The following RUVBL2 variants were observed in gnomAD, a reference collection of about 807,000 sequenced individuals.
The protein encoded by RUVBL2 is RuvB like AAA ATPase 2, also known as ruvB-like 2.
Under a neutral mutation model 57.9 loss-of-function variants are expected in RUVBL2, and 9 were observed. That is an observed-to-expected ratio of 0.16 (90% confidence interval 0.09 to 0.27). The LOEUF is 0.27. Among genes scored for constraint, RUVBL2 ranks in the 10% least tolerant of loss-of-function variants. The pLI is 1.00. For synonymous variants in RUVBL2, 278 were observed against 264.6 expected (o/e 1.05, Z -0.49); for missense variants, 456 against 669.6 (o/e 0.68, Z 3.52).
chr19:49,000,535 CAA>C (rs1464959395), intron 2 of RUVBL2, among the ~76,000 whole-genome samples: 3 of 151,724 alleles, frequency 2.0e-5, no homozygotes, highest in African/African-American at 4.8e-5. Flanking sequence ...GCCTGGGTGA[CAA>C]GAGTGAAACT....
intron 6 of RUVBL2, among the ~76,000 whole-genome samples, chr19:49,007,980 T>G (rs1165737869): frequency 1.3e-5 from 2 of 151,060 alleles, no homozygotes; most frequent in African/African-American, 4.9e-5. Context: ...GTGCTGGGAT[T>G]ACAGCCGTGA....
Position 49,007,322 on chromosome 19 carries a change from A to C in RUVBL2, c.416A>C (p.Glu139Ala). The change falls in exon 6 of 15, where the codon GAA becomes GCA. Residue 139 changes from glutamate to alanine, a missense_variant. Transcript: ENST00000595090. ...VRIKEETEII[E>A]GEVVEIQIDR... ...GCTAGGGAGGAGACGGAGATCATCG[A>C]AGGGGAGGTGGTGGAGATCCAGATT... 6.2e-7 allele frequency: 1 copy of C among 1,614,018 alleles called. No homozygotes were observed. The highest frequency in any genetic ancestry group is 8.5e-7 in the Non-Finnish European group (1 of 1,179,970).
At chr19:49,012,726 G>C (rs1446242381) in intron 11 of RUVBL2, among the ~76,000 whole-genome samples, 2 of 152,202 alleles carry the variant, frequency 1.3e-5, no homozygotes, top group African/African-American at 2.4e-5. Context: ...AAGTGTCCTT[G>C]TTGTATTCTA....
intron 1 of RUVBL2, among the ~76,000 whole-genome samples, chr19:48,995,109 A>G (rs1456063185): frequency 6.6e-6 from 1 of 151,950 alleles, no homozygotes; most frequent in African/African-American, 2.4e-5. Context: ...AGGGAAGTAG[A>G]AGAGGAAGGC....
intron 12 of RUVBL2, 40 bp from the exon 13 acceptor site, chr19:49,014,981 G>A (rs776528906): frequency 8.9e-6 from 14 of 1,566,958 alleles, no homozygotes; most frequent in Middle Eastern, 3.6e-4. Flanking sequence ...GTCAGAGGCT[G>A]GGCCCCGGCT....
rs1296799643 is a variant in RUVBL2, at chr19:49,015,106, A to T, written c.1207A>T (p.Ile403Phe). ...IGLETSLRYAIQLITAASLVC... is the reference protein window; with the variant it reads ...IGLETSLRYAFQLITAASLVC... The stretch of plus-strand genomic sequence containing the variant: ...GCTGGAGACGTCACTGCGCTACGCC[A>T]TCCAGCTCATCACAGCTGCCAGCTT... The change falls in exon 13 of 15, where the codon ATC (isoleucine) becomes TTC (phenylalanine). Residue 403 changes from isoleucine (I) to phenylalanine (F), a missense_variant. Around this residue, in one of 5 missense-constraint regions of RUVBL2, gnomAD observed 130 missense variants for 243.0 expected, o/e 0.53. Coordinates refer to ENST00000595090, the MANE Select transcript of RUVBL2 (RefSeq NM_006666.3). The T allele has an allele frequency of 1.2e-6, 2 of 1,610,118 alleles. No individual in the cohort carries two copies.
In RUVBL2 at chr19:48,997,421, C is replaced by A. The variant is rs138992745; in HGVS notation, c.13-1898C>A. ...GGTGGATCACCTGAGGTCAGGAGTTCAAGACCAGCCTGGCCAACATGGTGA... is the reference window on the plus strand; with the variant it reads ...GGTGGATCACCTGAGGTCAGGAGTTAAAGACCAGCCTGGCCAACATGGTGA... On this transcript the variant is annotated intron_variant, in intron 1 of 14. Transcript: ENST00000595090. 1.8e-3 allele frequency among the ~76,000 whole-genome samples: 268 copies of A among 152,158 alleles called. 1 individual carries two copies. Among genetic ancestry groups the A allele is most frequent in the African/African-American group, 6.1e-3 (253 of 41,500 alleles).
Position 49,015,891 on chromosome 19 carries a change from C to T in RUVBL2, c.*49C>T, listed in dbSNP as rs944338805. Reference sequence around the variant, plus strand: ...ACCCTGTTTTCCACCAGAGTTCTGACACTGTGACTCTGTATAAAATGGTTG... The same window carrying T: ...ACCCTGTTTTCCACCAGAGTTCTGATACTGTGACTCTGTATAAAATGGTTG... On this transcript the variant is annotated 3_prime_UTR_variant, in exon 15 of 15. Coordinates refer to ENST00000595090, the MANE Select transcript of RUVBL2 (RefSeq NM_006666.3). The T allele has an allele frequency of 1.9e-6, 3 of 1,613,882 alleles. No homozygotes were observed. The highest frequency in any genetic ancestry group is 1.1e-5 in the South Asian group (1 of 91,088).
chr19:49,010,623 C>T lies in RUVBL2; in HGVS notation c.787+12C>T. The T allele has an allele frequency of 6.2e-7, 1 of 1,607,718 alleles. No homozygotes were observed. Among genetic ancestry groups the T allele is most frequent in the South Asian group, 1.1e-5 (1 of 90,858 alleles). On this transcript the variant is annotated intron_variant, in intron 9 of 14. Transcript: ENST00000595090. ...GGCGCTCTTCTCAGGTGAGGCCCCT[C>T]CTGCCCTGCCCTGCCCTGCCCTGCC...
chr19:48,993,475 A>G, upstream of RUVBL2: 2 of 423,504 alleles, frequency 4.7e-6, no homozygotes, highest in East Asian at 5.0e-5. Flanking sequence ...CGGCCGTGAG[A>G]CCTCCAGGGG....
chr19:49,008,707 G>T (rs969551127), intron 6 of RUVBL2, among the ~76,000 whole-genome samples: 10 of 151,790 alleles, frequency 6.6e-5, no homozygotes, highest in Admixed American at 4.6e-4. Flanking sequence ...GCTGGGCGCG[G>T]TGGTTCATGC....
At chr19:49,014,923 T>A in intron 12 of RUVBL2, 98 bp from the exon 13 acceptor site, 1 of 1,451,014 alleles carries the variant, frequency 6.9e-7, no homozygotes, top group Non-Finnish European at 9.3e-7. Flanking sequence ...GCGCCACATA[T>A]TCCCAGTGGG....
intron 6 of RUVBL2, among the ~76,000 whole-genome samples, chr19:49,009,435 C>T (rs1009713136): frequency 2.2e-4 from 33 of 149,796 alleles, no homozygotes; most frequent in South Asian, 4.2e-4. Context: ...TGCAGTGAGC[C>T]GAGATCATGC....
At chr19:48,995,211 C>T (rs1331538011) in intron 1 of RUVBL2, among the ~76,000 whole-genome samples, 2 of 151,734 alleles carry the variant, frequency 1.3e-5, no homozygotes, top group Admixed American at 6.6e-5. Context: ...ATGGGAACAG[C>T]GGGCAGCAAG....
At chr19:49,002,392 G>C (rs549002147) in intron 2 of RUVBL2, among the ~76,000 whole-genome samples, 14 of 152,032 alleles carry the variant, frequency 9.2e-5, no homozygotes, top group African/African-American at 3.4e-4. Flanking sequence ...TGGCCTCCAG[G>C]CTGAGGTTTG....
chr19:49,011,227 C>G lies in RUVBL2; in HGVS notation c.918C>G (p.Ile306Met), dbSNP rs368070643. Reference sequence around the variant, plus strand: ...TCGACGAGGTCCACATGCTGGACATCGAGAGCTTCTCCTTCCTCAACCGGG... The same window carrying G: ...TCGACGAGGTCCACATGCTGGACATGGAGAGCTTCTCCTTCCTCAACCGGG... ...LFIDEVHMLD[I>M]ESFSFLNRAL... is the part of the protein sequence containing the mutation. Residue 306 changes from isoleucine to methionine, a missense_variant, in exon 11 of 15, where the codon ATC becomes ATG. By Grantham distance (10) the Ile-to-Met change is conservative (BLOSUM62 1). Coordinates refer to ENST00000595090, the MANE Select transcript of RUVBL2 (RefSeq NM_006666.3). The surrounding 1 kb of genome is among the most constrained non-coding windows in gnomAD (Gnocchi z 4.4). The G allele has an allele frequency of 6.8e-6, 11 of 1,613,844 alleles. No individual in the cohort carries two copies. The highest frequency in any genetic ancestry group is 1.1e-5 in the South Asian group (1 of 91,084).
At position 49,010,084 on chromosome 19, in the gene RUVBL2, G is replaced by A. The variant is rs774076865; in HGVS notation, c.663+18G>A. On this transcript the variant is annotated intron_variant, in intron 8 of 14. Transcript: ENST00000595090. ...GCTCCCAGGTGCGGCCGGGACTCCC[G>A]GGATCCCCTCGCCCCCAGCACTGGG... 7.5e-6 allele frequency: 12 copies of A among 1,605,388 alleles called. No homozygotes were observed. The highest frequency in any genetic ancestry group is 6.7e-5 in the East Asian group (3 of 44,786).
At position 49,010,565 on chromosome 19, in the gene RUVBL2, C is replaced by T. The variant is rs376223990; in HGVS notation, c.741C>T (p.Ile247=). 2.0e-5 allele frequency: 32 copies of T among 1,588,524 alleles called. No homozygotes were observed. Among genetic ancestry groups the T allele is most frequent in the African/African-American group, 2.7e-5 (2 of 73,812 alleles). Residue 247 remains isoleucine (I), a synonymous_variant, in exon 9 of 15, where the codon ATC becomes ATT. Coordinates refer to ENST00000595090, the MANE Select transcript of RUVBL2 (RefSeq NM_006666.3). Reference sequence around the variant, plus strand: ...TGCACACCGTGTCCCTGCACGAGATCGACGTCATCAACTCTCGCACCCAGG... The same window carrying T: ...TGCACACCGTGTCCCTGCACGAGATTGACGTCATCAACTCTCGCACCCAGG... The part of the protein sequence containing the change: ...EVVHTVSLHE[I]DVINSRTQGF...
At chr19:48,995,092 G>T (rs2039029998) in intron 1 of RUVBL2, among the ~76,000 whole-genome samples, 1 of 151,742 alleles carries the variant, frequency 6.6e-6, no homozygotes, top group South Asian at 2.1e-4. Flanking sequence ...AGGAGGAGGA[G>T]GTGGATAGGG....
Sources: allele counts gnomAD v4.1 joint callset (sites outside exome capture counted in the v4.1 genomes callset), GRCh38; gene constraint gnomAD v4.1.1; regional missense constraint gnomAD v4.1.1; non-coding constraint Gnocchi (gnomAD v3.1); transcripts MANE v1.5; gene names NCBI Gene and HGNC (gene_info 2026-07-23, HGNC 2026-07-21).